NRXN1: variants seen among roughly 807,000 people sequenced by gnomAD.
NRXN1 encodes neurexin-1.
NRXN1 carries 39 observed loss-of-function variants against 150.9 expected under a neutral mutation model. That is an observed-to-expected ratio of 0.26 (90% CI 0.20 to 0.34). NRXN1 has a LOEUF of 0.34. Ranked by LOEUF, NRXN1 falls within the 10% of genes least tolerant of loss-of-function variation. The probability of loss-of-function intolerance (pLI) is 1.00; values close to 1 mark genes in which losing one functional copy is unlikely to be tolerated. For missense variants in NRXN1, 1,815 were observed against 1,949.9 expected (o/e 0.93, Z 1.30); for synonymous variants, 924 against 757.0 (o/e 1.22, Z -3.62).
intron 17 of NRXN1, among the ~76,000 whole-genome samples, chr2:50,425,503 T>C (rs1333936008): frequency 6.6e-6 from 1 of 152,160 alleles, no homozygotes; most frequent in African/African-American, 2.4e-5. Context: ...TGAAAAGCTA[T>C]GGAGGCAGGT....
At chr2:50,519,985 C>T (rs1573373994) in intron 12 of NRXN1, among the ~76,000 whole-genome samples, 1 of 151,844 alleles carries the variant, frequency 6.6e-6, no homozygotes, top group African/African-American at 2.4e-5. Context: ...ATAATGTTTA[C>T]AAGATGTTGC....
rs185074725 is a variant in NRXN1, at chr2:50,278,579, G to A, written c.3365-41609C>T. ...ATTTTGTTAATATGAACTCTCTAAAGGGCTTTATATTTACGATTTGTTTTA... is the reference window on the plus strand; with the variant it reads ...ATTTTGTTAATATGAACTCTCTAAAAGGCTTTATATTTACGATTTGTTTTA... On this transcript the variant is annotated intron_variant, in intron 17 of 22. Transcript: ENST00000401669. 1.8e-3 allele frequency among the ~76,000 whole-genome samples: 277 copies of A among 151,658 alleles called. 2 individuals carry two copies. The highest frequency in any genetic ancestry group is 6.5e-3 in the African/African-American group (269 of 41,302).
At chr2:49,942,960 A>AAACC (rs368129865) in intron 22 of NRXN1, among the ~76,000 whole-genome samples, 20 of 152,300 alleles carry the variant, frequency 1.3e-4, no homozygotes, top group African/African-American at 4.8e-4. Context: ...AAACCAAACC[A>AAACC]AAACAAAACT....
At chr2:50,484,249 A>T (rs1218320986) in intron 15 of NRXN1, among the ~76,000 whole-genome samples, 1 of 152,204 alleles carries the variant, frequency 6.6e-6, no homozygotes, top group East Asian at 1.9e-4. Context: ...GTTTTTCCTT[A>T]AGTATCTGAA....
intron 5 of NRXN1, among the ~76,000 whole-genome samples, chr2:50,651,107 A>G (rs1252915165): frequency 6.6e-6 from 1 of 152,056 alleles, no homozygotes; most frequent in Non-Finnish European, 1.5e-5. Flanking sequence ...TGTGACCCAA[A>G]TAAATTGTAA....
chr2:50,738,385 G>A (rs1424864458), intron 5 of NRXN1, among the ~76,000 whole-genome samples: 1 of 152,110 alleles, frequency 6.6e-6, no homozygotes, highest in African/African-American at 2.4e-5. Context: ...TATTTCAAAG[G>A]ACAGATCTGT....
intron 5 of NRXN1, among the ~76,000 whole-genome samples, chr2:50,671,497 C>T (rs1365899596): frequency 6.6e-6 from 1 of 151,416 alleles, no homozygotes; most frequent in South Asian, 2.1e-4. Flanking sequence ...ATAAGTGATA[C>T]ATATACATTA....
At chr2:50,670,371 G>C (rs1291932355) in intron 5 of NRXN1, among the ~76,000 whole-genome samples, 1 of 150,128 alleles carries the variant, frequency 6.7e-6, no homozygotes, top group Non-Finnish European at 1.5e-5. Context: ...ATTTTGCTGA[G>C]ATATAGGTAT....
intron 5 of NRXN1, among the ~76,000 whole-genome samples, chr2:50,814,712 C>A (rs978512660): frequency 6.6e-6 from 1 of 151,964 alleles, no homozygotes; most frequent in Admixed American, 6.6e-5. Context: ...ATAATTAAAT[C>A]CCCCCACAAA....
chr2:50,529,156 T>C (rs2093034707), intron 11 of NRXN1, among the ~76,000 whole-genome samples: 1 of 152,074 alleles, frequency 6.6e-6, no homozygotes, highest in African/African-American at 2.4e-5. Context: ...ACCCTAAGGG[T>C]TTTTGTTTTG....
chr2:50,984,606 T>A (rs781540385), intron 2 of NRXN1, among the ~76,000 whole-genome samples: 2 of 152,058 alleles, frequency 1.3e-5, no homozygotes, highest in Non-Finnish European at 2.9e-5. Context: ...TAGAAAGGGA[T>A]TAATATTTCC....
intron 17 of NRXN1, among the ~76,000 whole-genome samples, chr2:50,281,728 C>T (rs1378804798): frequency 1.3e-5 from 2 of 152,040 alleles, no homozygotes; most frequent in African/African-American, 2.4e-5. Flanking sequence ...AAAAATGAGA[C>T]CCAGTCATCT....
intron 12 of NRXN1, among the ~76,000 whole-genome samples, chr2:50,511,231 T>C (rs929236413): frequency 6.6e-5 from 10 of 152,072 alleles, no homozygotes; most frequent in African/African-American, 2.4e-4. Context: ...CAGCTAATTT[T>C]TGTATTTTAA....
chr2:50,523,622 T>C (rs1442562974), intron 12 of NRXN1, among the ~76,000 whole-genome samples: 1 of 152,238 alleles, frequency 6.6e-6, no homozygotes, highest in Non-Finnish European at 1.5e-5. Context: ...AAATTGGTGA[T>C]AACTAATATC....
Position 50,094,767 on chromosome 2 carries a change from G to T in NRXN1, c.3547-3273C>A, listed in dbSNP as rs369537994. On this transcript the variant is annotated intron_variant, in intron 18 of 22. Transcript: ENST00000401669. ...GGTGAAGAAAACTGAGAAAAGAAAA[G>T]AAAAAAAAAAAAAGAACTTGGAATT... Among the ~76,000 whole-genome samples the T allele has an allele frequency of 6.2e-4, 82 of 131,484 alleles. 1 individual carries two copies. The East Asian group carries it at 0.017, about 28-fold the overall frequency. The allele number at this position is 131,484 out of a possible 152,430, so 86.3% of individuals were successfully genotyped here. A position where few individuals can be genotyped will look rare whatever the true frequency, so the allele number is the denominator to read the frequency against.
chr2:50,946,526 C>G (rs573782925), intron 2 of NRXN1, among the ~76,000 whole-genome samples: 1 of 152,224 alleles, frequency 6.6e-6, no homozygotes, highest in East Asian at 1.9e-4. Context: ...TTCTTTCACT[C>G]TGGGTGTGAG....
At chr2:50,425,958 T>C (rs2084446464) in intron 17 of NRXN1, among the ~76,000 whole-genome samples, 1 of 152,226 alleles carries the variant, frequency 6.6e-6, no homozygotes, top group Non-Finnish European at 1.5e-5. Flanking sequence ...ATTGTGGACA[T>C]CCTTATCATA....
At chr2:50,653,419 G>C (rs892474164) in intron 5 of NRXN1, among the ~76,000 whole-genome samples, 1 of 151,970 alleles carries the variant, frequency 6.6e-6, no homozygotes, top group African/African-American at 2.4e-5. Context: ...AGGTTTAGTT[G>C]CTGTGATTGA....
chr2:50,206,737 A>G (rs535635836), intron 18 of NRXN1, among the ~76,000 whole-genome samples: 99 of 151,966 alleles, frequency 6.5e-4, no homozygotes, highest in African/African-American at 2.3e-3. Flanking sequence ...TGAAAACGTC[A>G]TTTGTTAAAA....
Sources: allele counts gnomAD v4.1 joint callset (sites outside exome capture counted in the v4.1 genomes callset), GRCh38; gene constraint gnomAD v4.1.1; transcripts MANE v1.5; gene names NCBI Gene and HGNC (gene_info 2026-07-23, HGNC 2026-07-21).